The following MYH15 variants were observed in gnomAD, a reference collection of about 807,000 sequenced individuals.
The protein encoded by MYH15 is myosin-15.
In MYH15, 227 loss-of-function variants were observed where a neutral mutation model predicts 240.5. The ratio of observed to expected loss-of-function variants is 0.94; its 90% CI spans 0.85 to 1.05. MYH15 has a LOEUF of 1.05. Among genes scored for constraint, MYH15 ranks in the 50% least tolerant of loss-of-function variants. MYH15 has a pLI of 0.00. For synonymous variants in MYH15, 785 were observed against 796.7 expected (o/e 0.99, Z 0.25); for missense variants, 2,217 against 2,247.5 (o/e 0.99, Z 0.27).
intron 25 of MYH15, among the ~76,000 whole-genome samples, chr3:108,435,365 T>C (rs1196502941): frequency 6.6e-6 from 1 of 152,180 alleles, no homozygotes; most frequent in Admixed American, 6.5e-5. Flanking sequence ...GTACAAAATG[T>C]AGTATTGTTA....
chr3:108,440,868 A>G (rs1401029968), intron 23 of MYH15, 150 bp downstream of exon 23: 1 of 888,892 alleles, frequency 1.1e-6, no homozygotes, highest in Non-Finnish European at 1.8e-6. Flanking sequence ...ATCAGACTCT[A>G]TATTTTGTGC....
At chr3:108,432,324 C>T (rs577286429) in intron 25 of MYH15, among the ~76,000 whole-genome samples, 1 of 152,060 alleles carries the variant, frequency 6.6e-6, no homozygotes, top group East Asian at 1.9e-4. Flanking sequence ...CTCCAGAGTG[C>T]TAGGATTACA....
intron 38 of MYH15, among the ~76,000 whole-genome samples, chr3:108,387,955 A>G (rs1157277477): frequency 6.6e-6 from 1 of 152,274 alleles, no homozygotes; most frequent in Admixed American, 6.5e-5. Flanking sequence ...TTAACAACTC[A>G]GCCTCAGGAA....
intron 23 of MYH15, among the ~76,000 whole-genome samples, chr3:108,440,340 G>A (rs1181349717): frequency 6.6e-6 from 1 of 152,104 alleles, no homozygotes; most frequent in African/African-American, 2.4e-5. Flanking sequence ...GTTAAAGAAA[G>A]GTTCCAGCTG....
At position 108,429,802 on chromosome 3, in the gene MYH15, G is replaced by A. The variant is rs56692646; in HGVS notation, c.3313-921C>T. Reference sequence around the variant, plus strand: ...TCTATCAGTTCTATAGATGAGGTATGACAGAAAAGGTGCTTAAAGAAAGTA... The same window carrying A: ...TCTATCAGTTCTATAGATGAGGTATAACAGAAAAGGTGCTTAAAGAAAGTA... On this transcript the variant is annotated intron_variant, in intron 26 of 40. Transcript: ENST00000693548. Among the ~76,000 whole-genome samples, 315 of 152,264 alleles carry A rather than the reference G, an allele frequency of 2.1e-3. 1 individual carries two copies. The highest frequency in any genetic ancestry group is 7.0e-3 in the African/African-American group (292 of 41,550).
chr3:108,391,365 C>T (rs1475646567), intron 37 of MYH15, among the ~76,000 whole-genome samples: 2 of 152,168 alleles, frequency 1.3e-5, no homozygotes, highest in Non-Finnish European at 2.9e-5. Flanking sequence ...TTTTCTCTCT[C>T]CTTTCTCTGG....
chr3:108,421,262 T>C (rs1208852190), intron 27 of MYH15, 48 bp from the exon 28 acceptor site: 1 of 1,590,800 alleles, frequency 6.3e-7, no homozygotes, highest in East Asian at 2.2e-5. Flanking sequence ...GAGGATACTC[T>C]GAATCAGCTG....
At chr3:108,405,695 C>T (rs1479322170) in intron 32 of MYH15, among the ~76,000 whole-genome samples, 1 of 152,044 alleles carries the variant, frequency 6.6e-6, no homozygotes, top group Non-Finnish European at 1.5e-5. Context: ...AATTTTAAAG[C>T]CTATTTTAAA....
intron 18 of MYH15, among the ~76,000 whole-genome samples, chr3:108,458,329 T>A (rs959947650): frequency 7.2e-5 from 11 of 152,190 alleles, no homozygotes; most frequent in African/African-American, 2.7e-4. Flanking sequence ...CCTAGACACA[T>A]CCAGAAACCC....
chr3:108,502,001 C>T (rs1286890562), intron 2 of MYH15, 146 bp from the exon 3 acceptor site: 2 of 848,042 alleles, frequency 2.4e-6, no homozygotes, highest in Non-Finnish European at 3.7e-6. Flanking sequence ...AGCCAGCCTT[C>T]ATGGAAAAAA....
intron 39 of MYH15, 63 bp from the exon 40 acceptor site, chr3:108,383,792 TCTGC>T: frequency 6.4e-6 from 8 of 1,241,356 alleles, no homozygotes; most frequent in Non-Finnish European, 7.7e-6. Context: ...GTTTTTTTTT[TCTGC>T]TCTGACATGA....
intron 35 of MYH15, among the ~76,000 whole-genome samples, chr3:108,396,805 G>A (rs2082465077): frequency 6.6e-6 from 1 of 152,214 alleles, no homozygotes; most frequent in African/African-American, 2.4e-5. Context: ...GGACACAAAA[G>A]TCAAACTGTA....
intron 35 of MYH15, among the ~76,000 whole-genome samples, chr3:108,397,800 A>G (rs1457730418): frequency 6.6e-6 from 1 of 152,142 alleles, no homozygotes; most frequent in Non-Finnish European, 1.5e-5. Flanking sequence ...CCAAGACAGG[A>G]GCATTGTTTT....
chr3:108,393,512 A>G (rs1466429399), intron 36 of MYH15, among the ~76,000 whole-genome samples: 1 of 152,214 alleles, frequency 6.6e-6, no homozygotes, highest in African/African-American at 2.4e-5. Flanking sequence ...ATCATTTAGG[A>G]AAATCACTGC....
chr3:108,416,688 A>C, intron 29 of MYH15, 124 bp downstream of exon 29: 1 of 814,952 alleles, frequency 1.2e-6, no homozygotes, highest in South Asian at 1.8e-5. Context: ...TTTTTCCCCC[A>C]TAACTTCTAG....
At chr3:108,467,793 G>T (rs1195284653) in intron 14 of MYH15, among the ~76,000 whole-genome samples, 1 of 151,932 alleles carries the variant, frequency 6.6e-6, no homozygotes, top group African/African-American at 2.4e-5. Context: ...GTAAATTATT[G>T]ATGTACAAGT....
intron 2 of MYH15, among the ~76,000 whole-genome samples, chr3:108,504,423 G>C (rs1300384247): frequency 1.3e-5 from 2 of 152,156 alleles, no homozygotes; most frequent in Non-Finnish European, 2.9e-5. Flanking sequence ...CTGTCAGGAA[G>C]ACATATGAAA....
chr3:108,469,244 G>A lies in MYH15; in HGVS notation c.1554+798C>T, dbSNP rs371849353. Among the ~76,000 whole-genome samples, 20 of 152,272 alleles carry A rather than the reference G, an allele frequency of 1.3e-4. No individual in the cohort carries two copies. The East Asian group carries it at 2.5e-3, about 19-fold the overall frequency. On this transcript the variant is annotated intron_variant, in intron 14 of 40. Coordinates refer to ENST00000693548, the MANE Select transcript of MYH15 (RefSeq NM_014981.3). ...AGCAGGATTGTTGAGAATCAACTGT[G>A]ACAGCATAGCTAGAGTATTCAGGAA...
rs750824388 is a variant in MYH15 at position 108,441,231 on chromosome 3, C to T, written c.2685G>A (p.Glu895=). Residue 895 remains glutamate, a synonymous_variant, in exon 23 of 41, where the codon GAG becomes GAA. Coordinates refer to ENST00000693548, the MANE Select transcript of MYH15 (RefSeq NM_014981.3). ...TGGATTTAATCAGCCACTCGCACTGCTCTTCAACATTTGCCAGTGTCTCTT... is the reference window on the plus strand; with the variant it reads ...TGGATTTAATCAGCCACTCGCACTGTTCTTCAACATTTGCCAGTGTCTCTT... The part of the protein sequence containing the change: ...AEQETLANVE[E]QCEWLIKSKI... The T allele has an allele frequency of 1.2e-6, 2 of 1,614,116 alleles. No individual in the cohort carries two copies. Among genetic ancestry groups the T allele is most frequent in the Middle Eastern group, 1.7e-4 (1 of 6,060 alleles).
Sources: allele counts gnomAD v4.1 joint callset (sites outside exome capture counted in the v4.1 genomes callset), GRCh38; gene constraint gnomAD v4.1.1; transcripts MANE v1.5; gene names NCBI Gene and HGNC (gene_info 2026-07-23, HGNC 2026-07-21).